DHRSX: variants seen among roughly 807,000 people sequenced by gnomAD.
DHRSX encodes dehydrogenase/reductase X-linked, also known as polyprenol dehydrogenase.
Under a neutral mutation model 34.0 loss-of-function variants are expected in DHRSX, and 31 were observed. That is an observed-to-expected ratio of 0.91 (90% confidence interval 0.69 to 1.23). The LOEUF is 1.23. Among genes scored for constraint, DHRSX ranks in the 50% most tolerant of loss-of-function variants. DHRSX has a pLI of 0.00. For missense variants in DHRSX, 414 were observed against 428.1 expected (o/e 0.97, Z 0.29); for synonymous variants, 201 against 183.8 (o/e 1.09, Z -0.76).
intron 6 of DHRSX, among the ~76,000 whole-genome samples, chrX:2,241,785 G>C (rs2016147021): frequency 6.6e-6 from 1 of 152,024 alleles, no homozygotes; most frequent in South Asian, 2.1e-4. Flanking sequence ...TCACATGCCT[G>C]TAATCCCAGC....
At chrX:2,498,466 G>C (rs1342321165) in intron 1 of DHRSX, among the ~76,000 whole-genome samples, 1 of 152,104 alleles carries the variant, frequency 6.6e-6, no homozygotes, top group Non-Finnish European at 1.5e-5. Context: ...TCCATACATA[G>C]GAAGGGGCTC....
At chrX:2,415,776 C>G (rs1407547863) in intron 2 of DHRSX, among the ~76,000 whole-genome samples, 2 of 151,776 alleles carry the variant, frequency 1.3e-5, no homozygotes, top group African/African-American at 4.8e-5. Flanking sequence ...CATGACCAAC[C>G]AACTAGATCG....
At chrX:2,396,377 T>TTTTC (rs1556504728) in intron 3 of DHRSX, among the ~76,000 whole-genome samples, 7 of 128,928 alleles carry the variant, frequency 5.4e-5, no homozygotes, top group Admixed American at 3.0e-4. Flanking sequence ...TTCTTTTTCT[T>TTTTC]TTTTTTTTTT....
intron 5 of DHRSX, among the ~76,000 whole-genome samples, chrX:2,248,856 C>A (rs1226115389): frequency 6.6e-6 from 1 of 152,156 alleles, no homozygotes; most frequent in Non-Finnish European, 1.5e-5. Context: ...TATTCCTACA[C>A]GGATTTCGTT....
intron 3 of DHRSX, among the ~76,000 whole-genome samples, chrX:2,377,503 G>C (rs781431058): frequency 9.2e-5 from 14 of 152,136 alleles, no homozygotes; most frequent in African/African-American, 3.4e-4. Context: ...ACCTCAGGCG[G>C]TAATGCGTGC....
intron 1 of DHRSX, among the ~76,000 whole-genome samples, chrX:2,477,455 G>A (rs7065098): frequency 0.39 from 58,793 of 149,408 alleles, 11,032 homozygotes; most frequent in African/African-American, 0.47. Context: ...CAGGAATATT[G>A]TAACAGGGAC....
chrX:2,308,898 A>T (rs2042131925), intron 3 of DHRSX, among the ~76,000 whole-genome samples: 2 of 134,666 alleles, frequency 1.5e-5, no homozygotes, highest in African/African-American at 6.3e-5. Context: ...GGAAGGAAGG[A>T]AGAAGGAGAA....
Position 2,314,475 on chromosome X carries a change from A to AAGGG in DHRSX, c.287-22873_287-22872insCCCT, listed in dbSNP as rs1569487323. Among the ~76,000 whole-genome samples, 32 of 65,870 alleles carry AAGGG rather than the reference A, an allele frequency of 4.9e-4. 1 individual carries two copies. Among genetic ancestry groups the AAGGG allele is most frequent in the Non-Finnish European group, 6.5e-4 (23 of 35,126 alleles). The allele number at this position is 65,870 out of a possible 152,430, so 43.2% of individuals were successfully genotyped here. A position where few individuals can be genotyped will look rare whatever the true frequency, so the allele number is the denominator to read the frequency against. ...GAAGGGAGGAAGGAAGGGGAGAAGG[A>AAGGG]AGGAAGGAAGGAAGGGAGGTAAAGG... On this transcript the variant is annotated intron_variant, in intron 3 of 6. Transcript: ENST00000334651.
At chrX:2,243,498 A>AT in intron 5 of DHRSX, among the ~76,000 whole-genome samples, 1 of 151,860 alleles carries the variant, frequency 6.6e-6, no homozygotes, top group East Asian at 1.9e-4. Flanking sequence ...TTATTTATTT[A>AT]TTTTGGAGAC....
At chrX:2,489,771 T>TGCGGCAGC (rs1213586615) in intron 1 of DHRSX, 3 of 1,613,370 alleles carry the variant, frequency 1.9e-6, no homozygotes, top group Middle Eastern at 1.8e-4. Context: ...TCCACCAGTT[T>TGCGGCAGC]GCGGCAGCGC....
intron 5 of DHRSX, among the ~76,000 whole-genome samples, chrX:2,260,766 C>A (rs1205433697): frequency 6.6e-6 from 1 of 152,010 alleles, no homozygotes; most frequent in African/African-American, 2.4e-5. Context: ...CAGGTATTTT[C>A]TACTTCTTGT....
chrX:2,287,311 T>C (rs1909161881), intron 4 of DHRSX, among the ~76,000 whole-genome samples: 1 of 151,816 alleles, frequency 6.6e-6, no homozygotes, highest in Non-Finnish European at 1.5e-5. Flanking sequence ...GATGTCCACA[T>C]CCTAATCCTC....
intron 1 of DHRSX, among the ~76,000 whole-genome samples, chrX:2,426,898 C>T (rs2043857703): frequency 6.6e-6 from 1 of 152,002 alleles, no homozygotes; most frequent in Non-Finnish European, 1.5e-5. Flanking sequence ...ACCCTTCCCT[C>T]CTTCTTTTAT....
At chrX:2,304,023 T>TGATGGATGGATGGATGGATG (rs745829295) in intron 3 of DHRSX, among the ~76,000 whole-genome samples, 4 of 67,882 alleles carry the variant, frequency 5.9e-5, no homozygotes, top group Non-Finnish European at 9.3e-5. Context: ...ATGGATGAAC[T>TGATGGATGGATGGATGGATG]GATGGATGGA....
At chrX:2,238,316 C>T (rs2016063002) in intron 6 of DHRSX, among the ~76,000 whole-genome samples, 1 of 152,098 alleles carries the variant, frequency 6.6e-6, no homozygotes, top group African/African-American at 2.4e-5. Context: ...GTGATTGTAC[C>T]ACTGCACTCC....
rs766418721 is a variant in DHRSX at position 2,316,510 on chromosome X, C to T, written c.287-24907G>A. Among the ~76,000 whole-genome samples, 6 of 152,054 alleles carry T rather than the reference C, an allele frequency of 3.9e-5. No homozygotes were observed. In the South Asian group the frequency reaches 1.0e-3, roughly 26 times the overall value. ...GAGGTTGCAGTGAGCCGAGATTGCACCACTGCACTCCAGCCTGGGTGATAG... is the reference window on the plus strand; with the variant it reads ...GAGGTTGCAGTGAGCCGAGATTGCATCACTGCACTCCAGCCTGGGTGATAG... On this transcript the variant is annotated intron_variant, in intron 3 of 6. Coordinates refer to ENST00000334651, the MANE Select transcript of DHRSX (RefSeq NM_145177.3).
intron 5 of DHRSX, among the ~76,000 whole-genome samples, chrX:2,254,158 G>A (rs765866252): frequency 8.5e-5 from 13 of 152,262 alleles, no homozygotes; most frequent in African/African-American, 2.6e-4. Flanking sequence ...GCCAGTCTCC[G>A]TAGGCGGTGT....
intron 3 of DHRSX, among the ~76,000 whole-genome samples, chrX:2,343,517 A>T (rs1335070748): frequency 6.6e-6 from 1 of 152,216 alleles, no homozygotes; most frequent in Non-Finnish European, 1.5e-5. Flanking sequence ...TCCATTGTCA[A>T]TCCTCACCAG....
chrX:2,264,800 G>A (rs865983012), intron 5 of DHRSX, among the ~76,000 whole-genome samples: 4 of 102,176 alleles, frequency 3.9e-5, no homozygotes, highest in South Asian at 2.6e-4. Context: ...GGAGCACCGT[G>A]CCCAGAGCAC....
Sources: allele counts gnomAD v4.1 joint callset (sites outside exome capture counted in the v4.1 genomes callset), GRCh38; gene constraint gnomAD v4.1.1; transcripts MANE v1.5; gene names NCBI Gene and HGNC (gene_info 2026-07-23, HGNC 2026-07-21).